The following CPEB3 variants were observed in gnomAD, a reference collection of about 807,000 sequenced individuals.
CPEB3 encodes the protein cytoplasmic polyadenylation element binding protein 3, also known as cytoplasmic polyadenylation element-binding protein 3.
CPEB3 carries 20 observed loss-of-function variants against 67.2 expected under a neutral mutation model. The ratio of observed to expected loss-of-function variants is 0.30; its 90% CI spans 0.21 to 0.43. CPEB3 has a LOEUF of 0.43. Among genes scored for constraint, CPEB3 ranks in the 20% least tolerant of loss-of-function variants. The probability of loss-of-function intolerance (pLI) is 1.00; values close to 1 mark genes in which losing one functional copy is unlikely to be tolerated. For synonymous variants in CPEB3, 376 were observed against 393.1 expected (o/e 0.96, Z 0.51); for missense variants, 746 against 968.6 (o/e 0.77, Z 3.05).
chr10:92,172,019 G>A (rs940957367), intron 4 of CPEB3, among the ~76,000 whole-genome samples: 3 of 152,070 alleles, frequency 2.0e-5, no homozygotes, highest in East Asian at 1.9e-4. Context: ...ACACAGGCTC[G>A]GTGCAGTAGC....
chr10:92,137,541 C>A (rs1361171054), intron 6 of CPEB3: 4 of 789,464 alleles, frequency 5.1e-6, no homozygotes, highest in Non-Finnish European at 8.9e-6. Flanking sequence ...TCATAAGGGA[C>A]CCCATTTGGA....
intron 2 of CPEB3, among the ~76,000 whole-genome samples, chr10:92,204,012 C>A (rs112302639): frequency 2.0e-5 from 3 of 152,164 alleles, no homozygotes; most frequent in Non-Finnish European, 4.4e-5. Flanking sequence ...TCTCCCACTG[C>A]TTCTGATGAG....
At chr10:92,073,618 AT>A (rs1382098313) in intron 9 of CPEB3, among the ~76,000 whole-genome samples, 1 of 150,840 alleles carries the variant, frequency 6.6e-6, no homozygotes, top group East Asian at 2.0e-4. Flanking sequence ...TAAAAAAAAA[AT>A]TTTTTTTTGG....
At chr10:92,086,907 C>G (rs1351794917) in intron 8 of CPEB3, among the ~76,000 whole-genome samples, 2 of 152,146 alleles carry the variant, frequency 1.3e-5, no homozygotes, top group Non-Finnish European at 2.9e-5. Flanking sequence ...ACCCTTATCC[C>G]TAAAGGTAAT....
intron 3 of CPEB3, among the ~76,000 whole-genome samples, chr10:92,184,252 T>C (rs1590328429): frequency 6.6e-6 from 1 of 152,314 alleles, no homozygotes; most frequent in East Asian, 1.9e-4. Context: ...TCTCTCTAAT[T>C]CTTTGACCTC....
chr10:92,144,966 G>A lies in CPEB3; in HGVS notation c.1342C>T (p.Leu448Phe). The change falls in exon 5 of 10, where the codon CTT becomes TTT. Residue 448 changes from leucine to phenylalanine, a missense_variant. Coordinates refer to ENST00000265997, the MANE Select transcript of CPEB3 (RefSeq NM_014912.5). ...GTACCTTCATCAATATCAGGAGGAA[G>A]TCCTCCAACAAACACCTTTCTAGAG... ...RYSRKVFVGG[L>F]PPDIDEDEIT... 1 of 1,614,042 alleles carries A rather than the reference G, an allele frequency of 6.2e-7. No individual in the cohort carries two copies. The highest frequency in any genetic ancestry group is 8.5e-7 in the Non-Finnish European group (1 of 1,179,952).
At chr10:92,185,316 C>G (rs1320018821) in intron 3 of CPEB3, among the ~76,000 whole-genome samples, 1 of 152,168 alleles carries the variant, frequency 6.6e-6, no homozygotes, top group Non-Finnish European at 1.5e-5. Flanking sequence ...CTGTGGAAAT[C>G]TGAGACTGTG....
intron 2 of CPEB3, among the ~76,000 whole-genome samples, chr10:92,201,401 G>A (rs1422760594): frequency 6.6e-6 from 1 of 152,132 alleles, no homozygotes; most frequent in Admixed American, 6.6e-5. Flanking sequence ...AGTGGCATGT[G>A]CCTGTAAGCC....
intron 8 of CPEB3, among the ~76,000 whole-genome samples, chr10:92,087,072 TTA>T (rs1285790466): frequency 5.3e-5 from 8 of 152,182 alleles, no homozygotes; most frequent in Admixed American, 5.2e-4. Context: ...AAGGATAGGG[TTA>T]TAATATACTC....
intron 1 of CPEB3, among the ~76,000 whole-genome samples, chr10:92,280,340 T>A: frequency 1.1e-4 from 4 of 37,198 alleles, no homozygotes; most frequent in East Asian, 1.5e-3. Flanking sequence ...CAAAACTCCA[T>A]CTCAAAAAAA....
rs1279797167 is a variant in CPEB3, at chr10:92,240,277, T to TGCTGCTGCTGCC, written c.62_73dup (p.Arg21_Gln24dup). The TGCTGCTGCTGCC allele has an allele frequency of 2.0e-6, 3 of 1,508,694 alleles. No individual in the cohort carries two copies. Among genetic ancestry groups the TGCTGCTGCTGCC allele is most frequent in the Middle Eastern group, 1.7e-4 (1 of 5,754 alleles). The allele number at this position is 1,508,694 out of a possible 1,614,324, so 93.5% of individuals were successfully genotyped here. A position where few individuals can be genotyped will look rare whatever the true frequency, so the allele number is the denominator to read the frequency against. On this transcript the variant is annotated inframe_insertion, in exon 2 of 10. Transcript: ENST00000265997. ...GGATACGCTGGACTCAGGTTGGGGC[T>TGCTGCTGCTGCC]GCTGCTGCTGCCGCTGCTGCTGCTG...
At chr10:92,131,920 G>A (rs565510316) in intron 6 of CPEB3, among the ~76,000 whole-genome samples, 7 of 152,260 alleles carry the variant, frequency 4.6e-5, no homozygotes, top group African/African-American at 1.7e-4. Context: ...AATGTAATAT[G>A]ACTCACATAT....
chr10:92,233,304 A>G (rs1851362143), intron 2 of CPEB3, among the ~76,000 whole-genome samples: 1 of 152,090 alleles, frequency 6.6e-6, no homozygotes, highest in Non-Finnish European at 1.5e-5. Flanking sequence ...CCAGGCTGGC[A>G]GAGAACTCGA....
In CPEB3 at chr10:92,239,799, C is replaced by CGCCTGTGGTGGCTGCGCTGGCTGT; in HGVS notation, c.528_551dup (p.Ala179_Pro186dup). The CGCCTGTGGTGGCTGCGCTGGCTGT allele has an allele frequency of 2.1e-6, 3 of 1,419,004 alleles. No individual in the cohort carries two copies. The highest frequency in any genetic ancestry group is 2.7e-6 in the Non-Finnish European group (3 of 1,092,498). The allele number at this position is 1,419,004 out of a possible 1,614,324, so 87.9% of individuals were successfully genotyped here. On this transcript the variant is annotated inframe_insertion, in exon 2 of 10. Transcript: ENST00000265997. The surrounding 1 kb of genome is among the most constrained non-coding windows in gnomAD (Gnocchi z 6.0). ...GTGAGCGGCGCTGCTGCGGGGGCTG[C>CGCCTGTGGTGGCTGCGCTGGCTGT]GCCTGTGGTGGCTGCGCTGGCTGTG...
chr10:92,113,828 A>G (rs1332914704), intron 6 of CPEB3, among the ~76,000 whole-genome samples: 1 of 152,350 alleles, frequency 6.6e-6, no homozygotes, highest in South Asian at 2.1e-4. Flanking sequence ...CAGCCATAAA[A>G]TATCTACACT....
intron 9 of CPEB3, among the ~76,000 whole-genome samples, chr10:92,060,941 G>A (rs976079813): frequency 6.6e-6 from 1 of 152,156 alleles, no homozygotes; most frequent in Admixed American, 6.5e-5. Flanking sequence ...CAACCACCAC[G>A]GAGAACAGTT....
At position 92,047,957 on chromosome 10, in the gene CPEB3, A is replaced by C. The variant is rs1267983071; in HGVS notation, c.*4255T>G. 1 of 152,372 alleles carries C rather than the reference A, an allele frequency of 6.6e-6. No homozygotes were observed. Among genetic ancestry groups the C allele is most frequent in the East Asian group, 1.9e-4 (1 of 5,186 alleles). 9.4% of individuals were successfully genotyped at this position (152,372 alleles called of 1,614,324 possible). A position where few individuals can be genotyped will look rare whatever the true frequency, so the allele number is the denominator to read the frequency against. ...TGACTGTAGGTGCTATTGCAATGAC[A>C]CATTAATGACTGTGCCTTAACTGCC... On this transcript the variant is annotated 3_prime_UTR_variant, in exon 10 of 10. Coordinates refer to ENST00000265997, the MANE Select transcript of CPEB3 (RefSeq NM_014912.5).
chr10:92,089,777 C>T (rs926852448), intron 8 of CPEB3, among the ~76,000 whole-genome samples: 47 of 150,612 alleles, frequency 3.1e-4, no homozygotes, highest in African/African-American at 1.1e-3. Flanking sequence ...AGTGAGACTC[C>T]GTCTCAAAAA....
chr10:92,150,989 A>T (rs1846941321), intron 4 of CPEB3, among the ~76,000 whole-genome samples: 1 of 152,172 alleles, frequency 6.6e-6, no homozygotes, highest in Non-Finnish European at 1.5e-5. Context: ...TATCTATTTC[A>T]ATTACTATCT....
Sources: gnomAD v4.1 joint callset for allele counts (sites outside exome capture counted in the v4.1 genomes callset) on GRCh38, gnomAD v4.1.1 for gene constraint, Gnocchi (gnomAD v3.1) non-coding constraint, MANE v1.5 for transcripts, NCBI Gene and HGNC (gene_info 2026-07-23, HGNC 2026-07-21) for gene names.